Variants in EFHC1 observed in about 807,000 individuals in gnomAD.
EFHC1 encodes EF-hand domain-containing protein 1.
In EFHC1, 53 loss-of-function variants were observed where a neutral mutation model predicts 69.9. The observed-to-expected ratio is 0.76, with a 90% CI of 0.61 to 0.95. The LOEUF (loss-of-function observed/expected upper bound fraction) is 0.95, where lower values mean the gene tolerates loss of function less well. Ranked by LOEUF, EFHC1 falls within the 40% of genes least tolerant of loss-of-function variation. The pLI is 0.00. For missense variants in EFHC1, 739 were observed against 798.7 expected (o/e 0.93, Z 0.90); for synonymous variants, 256 against 278.4 (o/e 0.92, Z 0.80).
At chr6:52,439,434 A>G (rs919457170) in intron 3 of EFHC1, among the ~76,000 whole-genome samples, 11 of 152,112 alleles carry the variant, frequency 7.2e-5, no homozygotes, top group African/African-American at 2.4e-4. Context: ...TGTTCCATGC[A>G]CTGTTCTAGG....
chr6:52,464,850 A>C (rs1342061705), intron 5 of EFHC1, 45 bp from the exon 6 acceptor site: 4 of 1,541,836 alleles, frequency 2.6e-6, no homozygotes, highest in Non-Finnish European at 3.6e-6. Context: ...CTTTCTTGAC[A>C]CACTCATTCC....
At chr6:52,457,196 G>A (rs116226954) in intron 5 of EFHC1, among the ~76,000 whole-genome samples, 311 of 152,210 alleles carry the variant, frequency 2.0e-3, no homozygotes, top group Middle Eastern at 0.01. Flanking sequence ...AGAAGACAAG[G>A]CATATAAAAT....
chr6:52,458,171 AAAT>A (rs1350772445), intron 5 of EFHC1, among the ~76,000 whole-genome samples: 2 of 152,198 alleles, frequency 1.3e-5, no homozygotes, highest in African/African-American at 4.8e-5. Flanking sequence ...GTAAATAAAT[AAAT>A]AAACTTCAAC....
chr6:52,470,284 T>A (rs570938917), intron 7 of EFHC1, among the ~76,000 whole-genome samples: 8 of 152,250 alleles, frequency 5.3e-5, no homozygotes, highest in Non-Finnish European at 7.4e-5. Context: ...CAAAATTTTT[T>A]AAGAAAACAA....
intron 3 of EFHC1, among the ~76,000 whole-genome samples, chr6:52,446,518 T>C (rs868698994): frequency 6.6e-6 from 1 of 152,226 alleles, no homozygotes; most frequent in African/African-American, 2.4e-5. Flanking sequence ...TTATCCAATT[T>C]GCCAGTCTGT....
At chr6:52,475,693 A>G (rs1053667343) in intron 7 of EFHC1, among the ~76,000 whole-genome samples, 8 of 152,222 alleles carry the variant, frequency 5.3e-5, no homozygotes, top group Admixed American at 3.9e-4. Context: ...TGCACAAACT[A>G]TATTTATATA....
chr6:52,493,835 G>A lies in EFHC1; in HGVS notation c.*1494G>A, dbSNP rs986599258. On this transcript the variant is annotated 3_prime_UTR_variant, in exon 11 of 11. Coordinates refer to ENST00000371068, the MANE Select transcript of EFHC1 (RefSeq NM_018100.4). ...TTAAACATGCTATCTCAAATTCCCCGAAGCCACCCAAAATGTGGTATGAAT... is the reference window on the plus strand; with the variant it reads ...TTAAACATGCTATCTCAAATTCCCCAAAGCCACCCAAAATGTGGTATGAAT... The A allele has an allele frequency of 1.8e-5, 8 of 453,860 alleles. No homozygotes were observed. Among genetic ancestry groups the A allele is most frequent in the Middle Eastern group, 6.8e-4 (1 of 1,466 alleles). The allele number at this position is 453,860 out of a possible 1,614,324, so 28.1% of individuals were successfully genotyped here.
intron 3 of EFHC1, among the ~76,000 whole-genome samples, chr6:52,448,663 T>C (rs1764846052): frequency 6.6e-6 from 1 of 152,224 alleles, no homozygotes; most frequent in African/African-American, 2.4e-5. Flanking sequence ...AGACTGGAGC[T>C]GTTCCTGTTC....
chr6:52,474,394 AC>A (rs1211184842), intron 7 of EFHC1, among the ~76,000 whole-genome samples: 3 of 152,210 alleles, frequency 2.0e-5, no homozygotes, highest in Admixed American at 6.5e-5. Context: ...AGTTGCCTCT[AC>A]CCACCCATCA....
chr6:52,453,303 T>C (rs15589), intron 4 of EFHC1: 1 of 1,287,398 alleles, frequency 7.8e-7, no homozygotes, highest in East Asian at 5.5e-5. Flanking sequence ...TTAAATGTTA[T>C]ATTAATATTG....
chr6:52,469,207 G>T (rs574842330), intron 6 of EFHC1, 126 bp from the exon 7 acceptor site: 131 of 1,240,690 alleles, frequency 1.1e-4, no homozygotes, highest in Non-Finnish European at 1.5e-4. Context: ...GACTATATTT[G>T]TTTATGTAGA....
chr6:52,466,300 G>T (rs1270274414), intron 6 of EFHC1, among the ~76,000 whole-genome samples: 1 of 152,120 alleles, frequency 6.6e-6, no homozygotes, highest in East Asian at 1.9e-4. Context: ...CTTGCAGTTG[G>T]CCTCCAGTCG....
chr6:52,423,988 G>A lies in EFHC1; in HGVS notation c.106G>A (p.Gly36Ser), dbSNP rs750032565. 5 of 1,614,044 alleles carry A rather than the reference G, an allele frequency of 3.1e-6. No individual in the cohort carries two copies. Among genetic ancestry groups the A allele is most frequent in the South Asian group, 1.1e-5 (1 of 91,074 alleles). Reference protein sequence around the residue: ...HRSQTLSYRNGYAIVRRPTVG... With the variant: ...HRSQTLSYRNSYAIVRRPTVG... ...AAGTCAGACGCTGAGCTACAGGAAC[G>A]GCTATGCAATTGTTCGACGTCCAAC... The change falls in exon 2 of 11, where the codon GGC (glycine) becomes AGC (serine). Residue 36 changes from glycine (G) to serine (S), a missense_variant. Coordinates refer to ENST00000371068, the MANE Select transcript of EFHC1 (RefSeq NM_018100.4).
At chr6:52,440,724 A>G (rs906580058) in intron 3 of EFHC1, among the ~76,000 whole-genome samples, 2 of 152,090 alleles carry the variant, frequency 1.3e-5, no homozygotes, top group African/African-American at 2.4e-5. Context: ...GCTTTCTACA[A>G]TGGTTGAACT....
At chr6:52,434,110 A>G (rs1241622562) in intron 2 of EFHC1, among the ~76,000 whole-genome samples, 1 of 152,170 alleles carries the variant, frequency 6.6e-6, no homozygotes, top group Non-Finnish European at 1.5e-5. Context: ...CCTGCCTCCC[A>G]GCTTTGAAAG....
intron 5 of EFHC1, among the ~76,000 whole-genome samples, chr6:52,456,804 A>G (rs1395484071): frequency 6.6e-6 from 1 of 152,152 alleles, no homozygotes; most frequent in African/African-American, 2.4e-5. Context: ...AGTCCCAGCT[A>G]CTTAGGAGGC....
chr6:52,491,762 A>C (rs767865616), intron 10 of EFHC1, among the ~76,000 whole-genome samples: 7 of 152,358 alleles, frequency 4.6e-5, no homozygotes, highest in Middle Eastern at 3.4e-3. Context: ...AGCAAAGGCA[A>C]CCGCCCGAGC....
chr6:52,437,063 G>C (rs1055227406), intron 2 of EFHC1, among the ~76,000 whole-genome samples: 2 of 152,196 alleles, frequency 1.3e-5, no homozygotes, highest in African/African-American at 2.4e-5. Context: ...CTGAGCACAA[G>C]GAGGGTATTT....
intron 2 of EFHC1, among the ~76,000 whole-genome samples, chr6:52,437,045 A>G (rs561931858): frequency 2.6e-5 from 4 of 152,316 alleles, no homozygotes; most frequent in Non-Finnish European, 5.9e-5. Context: ...AATGTAATAT[A>G]TATGTTCCTG....
Sources: allele counts gnomAD v4.1 joint callset (sites outside exome capture counted in the v4.1 genomes callset), GRCh38; gene constraint gnomAD v4.1.1; transcripts MANE v1.5; gene names NCBI Gene and HGNC (gene_info 2026-07-23, HGNC 2026-07-21).